PRORP: variants seen among roughly 807,000 people sequenced by gnomAD.
The protein encoded by PRORP is protein only RNase P catalytic subunit, also known as mitochondrial ribonuclease P catalytic subunit.
In PRORP, 51 loss-of-function variants were observed where a neutral mutation model predicts 59.4. The observed-to-expected ratio is 0.86, with a 90% CI of 0.69 to 1.08. The LOEUF is 1.08. Ranked by LOEUF, PRORP falls within the 50% of genes least tolerant of loss-of-function variation. The pLI is 0.00. For missense variants in PRORP, 646 were observed against 690.3 expected, an observed-to-expected ratio of 0.94 and a Z score of 0.72; for synonymous variants, 231 against 245.6, an observed-to-expected ratio of 0.94 and a Z score of 0.55.
intron 5 of PRORP, among the ~76,000 whole-genome samples, chr14:35,259,712 G>GA (rs1242104097): frequency 6.6e-6 from 1 of 151,970 alleles, no homozygotes; most frequent in African/African-American, 2.4e-5. Flanking sequence ...CCAACATGGT[G>GA]AAAATCGGGC....
At position 35,190,334 on chromosome 14, in the gene PRORP, G is replaced by T. The variant is rs182851419; in HGVS notation, c.1275+9557G>T. ...AATCGCTTGAATCCAGGAGGCAGAG[G>T]TTGCAGTGAGTCGAGATCGAGCCAT... is the stretch of plus-strand genomic sequence containing the variant. On this transcript the variant is annotated intron_variant, in intron 5 of 7. Transcript: ENST00000534898. 4.7e-4 allele frequency among the ~76,000 whole-genome samples: 72 copies of T among 151,586 alleles called. 1 individual carries two copies. The East Asian group carries it at 0.014, about 28-fold the overall frequency.
chr14:35,127,822 A>T (rs749631190), intron 4 of PRORP, among the ~76,000 whole-genome samples: 6 of 152,158 alleles, frequency 3.9e-5, no homozygotes, highest in Non-Finnish European at 8.8e-5. Flanking sequence ...TATTCATGAA[A>T]ACAAGCAGTA....
chr14:35,159,468 G>A (rs1246592284), intron 4 of PRORP, among the ~76,000 whole-genome samples: 1 of 151,868 alleles, frequency 6.6e-6, no homozygotes, highest in Non-Finnish European at 1.5e-5. Flanking sequence ...ATTAACCCTG[G>A]CACACATCTG....
intron 5 of PRORP, 29 bp downstream of exon 5, chr14:35,180,806 A>T (rs745344056): frequency 7.3e-7 from 1 of 1,362,568 alleles, no homozygotes. Flanking sequence ...TTGTTATTCC[A>T]CATCTCTAGA....
chr14:35,215,310 ACAATGGTAGAATCT>A (rs1263199227), intron 5 of PRORP, among the ~76,000 whole-genome samples: 11 of 152,192 alleles, frequency 7.2e-5, no homozygotes, highest in Admixed American at 1.3e-4. Context: ...AAGGAACTGA[ACAATGGTAGAATCT>A]CAGCTTAATT....
At chr14:35,146,825 G>A (rs1489231544) in intron 4 of PRORP, among the ~76,000 whole-genome samples, 1 of 152,088 alleles carries the variant, frequency 6.6e-6, no homozygotes, top group Non-Finnish European at 1.5e-5. Flanking sequence ...TGGATATGGT[G>A]GCTCACACTT....
intron 4 of PRORP, among the ~76,000 whole-genome samples, 155 bp downstream of exon 4, chr14:35,127,766 T>C (rs2047134527): frequency 6.6e-6 from 1 of 152,230 alleles, no homozygotes; most frequent in Non-Finnish European, 1.5e-5. Context: ...AAGACATCCA[T>C]AGATAATACA....
Position 35,266,713 on chromosome 14 carries a change from T to C in PRORP, c.1276-14T>C, listed in dbSNP as rs1415131878. On this transcript the variant is annotated splice_polypyrimidine_tract_variant and intron_variant, in intron 5 of 7. Transcript: ENST00000534898. ...TCCCTTGAACTTTTGTGGTTCTGGCTTTGTGTTTTTTAGCTCTTGAATGTC... is the reference window on the plus strand; with the variant it reads ...TCCCTTGAACTTTTGTGGTTCTGGCCTTGTGTTTTTTAGCTCTTGAATGTC... 1 of 1,612,842 alleles carries C rather than the reference T, an allele frequency of 6.2e-7. No homozygotes were observed. Among genetic ancestry groups the C allele is most frequent in the East Asian group, 2.2e-5 (1 of 44,848 alleles).
intron 5 of PRORP, among the ~76,000 whole-genome samples, chr14:35,242,448 G>T (rs2050390593): frequency 6.6e-6 from 1 of 152,094 alleles, no homozygotes; most frequent in African/African-American, 2.4e-5. Flanking sequence ...CCTTTACAAA[G>T]ATAGTGTACA....
intron 7 of PRORP, among the ~76,000 whole-genome samples, chr14:35,272,366 A>G (rs992389477): frequency 3.3e-5 from 5 of 152,204 alleles, no homozygotes; most frequent in African/African-American, 1.2e-4. Context: ...TAATCCCAGC[A>G]CTTTGGGAGG....
intron 4 of PRORP, among the ~76,000 whole-genome samples, chr14:35,167,848 G>A (rs1233128397): frequency 6.6e-6 from 1 of 152,144 alleles, no homozygotes; most frequent in Admixed American, 6.6e-5. Context: ...GAAGAAATAA[G>A]TGGAAAACAA....
At chr14:35,215,923 C>T (rs1000206569) in intron 5 of PRORP, among the ~76,000 whole-genome samples, 5 of 151,580 alleles carry the variant, frequency 3.3e-5, no homozygotes, top group African/African-American at 9.7e-5. Context: ...CCCACCACCA[C>T]GCCTGGCTAA....
chr14:35,167,753 C>G (rs541485628), intron 4 of PRORP, among the ~76,000 whole-genome samples: 1 of 152,280 alleles, frequency 6.6e-6, no homozygotes, highest in South Asian at 2.1e-4. Context: ...CCCTGTTTTT[C>G]CACATCTGCT....
At chr14:35,193,434 TAGA>T (rs1281496855) in intron 5 of PRORP, among the ~76,000 whole-genome samples, 1 of 152,186 alleles carries the variant, frequency 6.6e-6, no homozygotes, top group African/African-American at 2.4e-5. Context: ...GAGAGAAAAA[TAGA>T]GGCACAAGTA....
Position 35,275,396 on chromosome 14 carries a change from A to G in PRORP, c.*1830A>G, listed in dbSNP as rs981431753. ...TCTTCTTACCTATTTACTGAATGCA[A>G]CATTACTGCACACCAAGACAAAAGA... On this transcript the variant is annotated 3_prime_UTR_variant, in exon 8 of 8. Transcript: ENST00000534898. The G allele has an allele frequency of 2.0e-5, 3 of 152,216 alleles. No homozygotes were observed. The highest frequency in any genetic ancestry group is 2.9e-5 in the Non-Finnish European group (2 of 68,050). The allele number at this position is 152,216 out of a possible 1,614,324, so 9.4% of individuals were successfully genotyped here.
intron 5 of PRORP, among the ~76,000 whole-genome samples, chr14:35,255,294 ATT>A (rs2050722703): frequency 6.6e-6 from 1 of 150,824 alleles, no homozygotes. Context: ...CGCCTGGCTA[ATT>A]TTTTTGTATT....
At chr14:35,124,352 C>T in intron 2 of PRORP, 121 bp downstream of exon 2, 2 of 569,044 alleles carry the variant, frequency 3.5e-6, no homozygotes, top group Non-Finnish European at 5.6e-6. Context: ...ACTGTAACCT[C>T]AAACTCCTGG....
intron 5 of PRORP, among the ~76,000 whole-genome samples, chr14:35,239,829 C>T (rs959315248): frequency 6.6e-6 from 1 of 152,140 alleles, no homozygotes; most frequent in Admixed American, 6.5e-5. Context: ...AATCCCAGCA[C>T]TTTGGGAGGC....
chr14:35,233,724 G>A (rs1330639614), intron 5 of PRORP, among the ~76,000 whole-genome samples: 2 of 149,488 alleles, frequency 1.3e-5, no homozygotes, highest in Non-Finnish European at 3.0e-5. Context: ...TTTTTTCCCT[G>A]CACAGAAAAA....
Sources: allele counts gnomAD v4.1 joint callset (sites outside exome capture counted in the v4.1 genomes callset), GRCh38; gene constraint gnomAD v4.1.1; transcripts MANE v1.5; gene names NCBI Gene and HGNC (gene_info 2026-07-23, HGNC 2026-07-21).